The following DMXL1 variants were observed in gnomAD, a reference collection of about 807,000 sequenced individuals.
DMXL1 encodes the protein dmX-like protein 1.
DMXL1 carries 99 observed loss-of-function variants against 319.2 expected under a neutral mutation model. That is an observed-to-expected ratio of 0.31 (90% CI 0.26 to 0.37). The LOEUF (loss-of-function observed/expected upper bound fraction) is 0.37. Among genes scored for constraint, DMXL1 ranks in the 10% least tolerant of loss-of-function variants. The pLI is 1.00. For missense variants in DMXL1, 3,745 were observed against 3,595.6 expected (o/e 1.04, Z -1.06); for synonymous variants, 1,385 against 1,235.2 (o/e 1.12, Z -2.54).
At chr5:119,094,754 A>G (rs1440046061) in intron 1 of DMXL1, among the ~76,000 whole-genome samples, 2 of 152,184 alleles carry the variant, frequency 1.3e-5, no homozygotes, top group African/African-American at 4.8e-5. Flanking sequence ...AAATATCAAC[A>G]TTACCAAGAG....
At chr5:119,124,482 G>C (rs534888412) in intron 9 of DMXL1, among the ~76,000 whole-genome samples, 1 of 151,674 alleles carries the variant, frequency 6.6e-6, no homozygotes, top group South Asian at 2.1e-4. Flanking sequence ...GAGGTTGATA[G>C]GTCAGTCTAT....
chr5:119,204,756 G>A (rs918308933), intron 33 of DMXL1, among the ~76,000 whole-genome samples: 1 of 152,130 alleles, frequency 6.6e-6, no homozygotes, highest in Non-Finnish European at 1.5e-5. Flanking sequence ...TTTGGTATGT[G>A]AACCACATTT....
chr5:119,133,971 T>G lies in DMXL1; in HGVS notation c.2047T>G (p.Leu683Val). The stretch of plus-strand genomic sequence containing the variant: ...TGCTCTAAATATTGAAGAATGCTCT[T>G]TGACACAACAAAATAAAAGCACTGT... ...FDALNIEECS[L>V]TQQNKSTVDV... The change falls in exon 12 of 44, where the codon TTG becomes GTG. Residue 683 changes from leucine (L) to valine (V), a missense_variant. Transcript: ENST00000539542. 1 of 1,614,216 alleles carries G rather than the reference T, an allele frequency of 6.2e-7. No homozygotes were observed.
intron 25 of DMXL1, among the ~76,000 whole-genome samples, chr5:119,173,736 GTA>G (rs199498213): frequency 0.33 from 36,039 of 107,782 alleles, 7,637 homozygotes; most frequent in East Asian, 0.79. Context: ...ATATATGTGT[GTA>G]TATATATATG....
chr5:119,185,420 G>A (rs961152692), intron 28 of DMXL1, among the ~76,000 whole-genome samples: 17 of 152,046 alleles, frequency 1.1e-4, no homozygotes, highest in Admixed American at 3.9e-4. Flanking sequence ...TTCAAGATAC[G>A]GTGTATGGTA....
At chr5:119,144,489 G>T (rs1768093022) in intron 14 of DMXL1, 47 bp from the exon 15 acceptor site, 1 of 1,324,004 alleles carries the variant, frequency 7.6e-7, no homozygotes, top group African/African-American at 1.5e-5. Context: ...TTAGCATTAG[G>T]TAAATAACAC....
At chr5:119,127,883 A>G (rs773516903) in intron 9 of DMXL1, 18 of 350,214 alleles carry the variant, frequency 5.1e-5, no homozygotes, top group Admixed American at 1.1e-4. Context: ...TGCTTTGGCA[A>G]TAAGTGGGAA....
chr5:119,169,627 T>A (rs975418642), intron 23 of DMXL1, among the ~76,000 whole-genome samples: 3 of 151,978 alleles, frequency 2.0e-5, no homozygotes, highest in Admixed American at 6.5e-5. Flanking sequence ...AAAGCAAGAG[T>A]TTATACACAT....
chr5:119,180,663 T>C (rs1267228118), intron 28 of DMXL1, among the ~76,000 whole-genome samples: 2 of 152,182 alleles, frequency 1.3e-5, no homozygotes, highest in African/African-American at 4.8e-5. Flanking sequence ...GTGCTTTTTG[T>C]ATAGATTTTT....
chr5:119,075,743 A>T (rs1346171961), intron 1 of DMXL1, among the ~76,000 whole-genome samples: 1 of 151,948 alleles, frequency 6.6e-6, no homozygotes, highest in Non-Finnish European at 1.5e-5. Context: ...AAACAAAAAA[A>T]AATGGAGGCT....
intron 42 of DMXL1, among the ~76,000 whole-genome samples, chr5:119,241,534 CAAAAAAAAAA>C (rs35739845): frequency 1.0e-4 from 6 of 57,572 alleles, no homozygotes; most frequent in African/African-American, 3.5e-4. Flanking sequence ...GACTCCGTCT[CAAAAAAAAAA>C]AAAAAAAAAA....
chr5:119,212,885 T>C (rs773681432), intron 34 of DMXL1, among the ~76,000 whole-genome samples: 3 of 152,162 alleles, frequency 2.0e-5, no homozygotes, highest in Non-Finnish European at 2.9e-5. Flanking sequence ...CCAGCTTAGA[T>C]TTCATGATCC....
At chr5:119,111,542 A>G (rs1231984568) in intron 5 of DMXL1, among the ~76,000 whole-genome samples, 1 of 152,224 alleles carries the variant, frequency 6.6e-6, no homozygotes, top group Non-Finnish European at 1.5e-5. Flanking sequence ...CTGTTCGACA[A>G]GAAATGCTGC....
At chr5:119,085,365 T>TATA (rs1160486415) in intron 1 of DMXL1, among the ~76,000 whole-genome samples, 2 of 150,938 alleles carry the variant, frequency 1.3e-5, no homozygotes, top group East Asian at 1.9e-4. Context: ...AATAAATAAA[T>TATA]ATAATAATAA....
At chr5:119,227,224 A>G (rs1201665880) in intron 38 of DMXL1, among the ~76,000 whole-genome samples, 1 of 151,866 alleles carries the variant, frequency 6.6e-6, no homozygotes, top group South Asian at 2.1e-4. Context: ...TTTCCCTTCT[A>G]AAATGTTTAA....
intron 18 of DMXL1, among the ~76,000 whole-genome samples, chr5:119,151,044 TAAAC>T (rs1354857341): frequency 6.6e-6 from 1 of 152,166 alleles, no homozygotes. Flanking sequence ...AGATTCTTAT[TAAAC>T]AATTATTTTA....
intron 3 of DMXL1, among the ~76,000 whole-genome samples, chr5:119,103,504 A>G (rs555762716): frequency 6.6e-6 from 1 of 152,346 alleles, no homozygotes; most frequent in East Asian, 1.9e-4. Flanking sequence ...CACAGAACTA[A>G]GAGTAAAACC....
chr5:119,103,617 G>C (rs1383653797), intron 3 of DMXL1, among the ~76,000 whole-genome samples: 2 of 152,050 alleles, frequency 1.3e-5, no homozygotes. Context: ...CATAGAAATA[G>C]TGTTCACACT....
intron 27 of DMXL1, among the ~76,000 whole-genome samples, chr5:119,177,740 G>C (rs534447389): frequency 1.3e-5 from 2 of 151,864 alleles, no homozygotes; most frequent in Non-Finnish European, 2.9e-5. Context: ...AGAAAAACCC[G>C]TCTATGAAAA....
Sources: gnomAD v4.1 joint callset for allele counts (sites outside exome capture counted in the v4.1 genomes callset) on GRCh38, gnomAD v4.1.1 for gene constraint, MANE v1.5 for transcripts, NCBI Gene and HGNC (gene_info 2026-07-23, HGNC 2026-07-21) for gene names.